MICAL2: variants seen among roughly 807,000 people sequenced by gnomAD.
MICAL2 encodes the protein [F-actin]-monooxygenase MICAL2.
In MICAL2, 77 loss-of-function variants were observed where a neutral mutation model predicts 127.3. The observed-to-expected ratio is 0.60, with a 90% CI of 0.50 to 0.73. The LOEUF (loss-of-function observed/expected upper bound fraction) is 0.73, where lower values mean the gene tolerates loss of function less well. Ranked by LOEUF, MICAL2 falls within the 30% of genes least tolerant of loss-of-function variation. MICAL2 has a pLI of 0.00. For synonymous variants in MICAL2, 570 were observed against 551.1 expected (o/e 1.03, Z -0.48); for missense variants, 1,351 against 1,434.4 (o/e 0.94, Z 0.94).
rs11403732 is a variant in MICAL2 at position 12,180,349 on chromosome 11, A to ATATTT, written c.264+17931_264+17932insATTTT. The stretch of plus-strand genomic sequence containing the variant: ...TTTATATACATGTATATATGTATAT[A>ATATTT]TTTTTTTTTTGGCAGGAAGGTTTCC... On this transcript the variant is annotated intron_variant, in intron 3 of 27. Transcript: ENST00000683283. Among the ~76,000 whole-genome samples the ATATTT allele has an allele frequency of 9.8e-3, 1,369 of 139,692 alleles. 28 individuals are homozygous for ATATTT. The highest frequency in any genetic ancestry group is 0.072 in the East Asian group (360 of 5,024). The allele number at this position is 139,692 out of a possible 152,430, so 91.6% of individuals were successfully genotyped here.
intron 1 of MICAL2, among the ~76,000 whole-genome samples, chr11:12,113,209 T>G (rs1181291734): frequency 6.6e-6 from 1 of 152,154 alleles, no homozygotes; most frequent in Non-Finnish European, 1.5e-5. Context: ...TCTAAAGAAG[T>G]GGGGTTAACT....
chr11:12,206,240 T>G (rs1280344446), intron 4 of MICAL2, among the ~76,000 whole-genome samples: 2 of 152,210 alleles, frequency 1.3e-5, no homozygotes, highest in Non-Finnish European at 2.9e-5. Flanking sequence ...GGATGCCTTG[T>G]GGGGCCCTGG....
chr11:12,242,256 A>T lies in MICAL2; in HGVS notation c.2380A>T (p.Lys794Ter), dbSNP rs745351508. The change falls in exon 19 of 28, where the codon AAG becomes TAG. Residue 794 changes from lysine (K) to a stop codon, truncating the protein, a stop_gained. Coordinates refer to ENST00000683283, the MANE Select transcript of MICAL2 (RefSeq NM_001282663.2). LOFTEE classifies it high-confidence loss of function. ...VVTGHVLREL[K>*]QVSAGSECLS... is the part of the protein sequence containing the mutation. ...GACGGGGCACGTGCTCAGAGAGCTC[A>T]AGCAAGTGTCTGCTGGCAGTGAGTG... 1 of 1,613,534 alleles carries T rather than the reference A, an allele frequency of 6.2e-7. No homozygotes were observed.
In MICAL2 at chr11:12,205,804, C is replaced by T. The variant is rs116574286; in HGVS notation, c.472+1347C>T. ...AAGTGCCCAGGAAAACACATTGCAT[C>T]CCATGCTGTACAGTGAGCAAGAAGC... On this transcript the variant is annotated intron_variant, in intron 4 of 27. Coordinates refer to ENST00000683283, the MANE Select transcript of MICAL2 (RefSeq NM_001282663.2). 6.8e-3 allele frequency among the ~76,000 whole-genome samples: 1,034 copies of T among 152,270 alleles called. 10 individuals are homozygous for T. The highest frequency in any genetic ancestry group is 0.023 in the African/African-American group (963 of 41,556).
chr11:12,144,848 T>G (rs1246675626), intron 2 of MICAL2, among the ~76,000 whole-genome samples: 1 of 152,180 alleles, frequency 6.6e-6, no homozygotes, highest in Non-Finnish European at 1.5e-5. Flanking sequence ...CAGGCATTTT[T>G]GTATTTGCCA....
intron 22 of MICAL2, 115 bp downstream of exon 22, chr11:12,249,361 G>C (rs1861227263): frequency 1.5e-6 from 1 of 662,514 alleles, no homozygotes. Flanking sequence ...ACAGTGCCTG[G>C]CACCAGGGGA....
At chr11:12,327,118 C>T in intron 31 of MICAL2, 8 of 1,479,584 alleles carry the variant, frequency 5.4e-6, no homozygotes, top group Non-Finnish European at 7.4e-6. Context: ...GAATCAGCCC[C>T]TCTTGGGACT....
At chr11:12,161,754 A>G (rs1469060649) in intron 2 of MICAL2, 1 of 203,802 alleles carries the variant, frequency 4.9e-6, no homozygotes, top group African/African-American at 2.3e-5. Flanking sequence ...TTTCCTAGTC[A>G]CTATTTGCAG....
chr11:12,279,607 G>A (rs1863751646), intron 1 of MICAL2, among the ~76,000 whole-genome samples: 1 of 152,210 alleles, frequency 6.6e-6, no homozygotes, highest in Non-Finnish European at 1.5e-5. Context: ...TCGTCTGACT[G>A]GGAAGTCCAA....
intron 15 of MICAL2, among the ~76,000 whole-genome samples, chr11:12,231,751 G>A (rs1007080814): frequency 6.6e-6 from 1 of 152,194 alleles, no homozygotes; most frequent in African/African-American, 2.4e-5. Flanking sequence ...TCATGGCAGA[G>A]GTTTGAAGAA....
intron 6 of MICAL2, among the ~76,000 whole-genome samples, chr11:12,209,941 A>T (rs985241116): frequency 3.3e-5 from 5 of 152,206 alleles, no homozygotes; most frequent in Admixed American, 3.3e-4. Flanking sequence ...ATGAACATCC[A>T]TTATTGAGCA....
chr11:12,312,319 T>G (rs10444220), intron 29 of MICAL2, among the ~76,000 whole-genome samples: 44,784 of 151,086 alleles, frequency 0.3, 7,767 homozygotes, highest in African/African-American at 0.48. Context: ...GAAATGGATC[T>G]TAGAACAACA....
chr11:12,227,105 A>C lies in MICAL2; in HGVS notation c.1969A>C (p.Thr657Pro). ...SSISNNYLNL[T>P]FPRKRTPRVD... The stretch of plus-strand genomic sequence containing the variant: ...CATTTCTAATAACTATCTCAACCTC[A>C]CATTTCCAAGGAAGAGGACTCCACG... Residue 657 changes from threonine to proline, a missense_variant, in exon 15 of 28, where the codon ACA (threonine) becomes CCA (proline). By Grantham distance (38) the Thr-to-Pro change is conservative (BLOSUM62 -1). Transcript: ENST00000683283. 6.2e-7 allele frequency: 1 copy of C among 1,613,660 alleles called. No homozygotes were observed. Among genetic ancestry groups the C allele is most frequent in the Non-Finnish European group, 8.5e-7 (1 of 1,179,718 alleles).
At chr11:12,209,460 CT>C (rs1855161607) in intron 5 of MICAL2, 36 bp from the exon 6 acceptor site, 1 of 1,525,550 alleles carries the variant, frequency 6.6e-7, no homozygotes, top group African/African-American at 1.4e-5. Context: ...CTTCCCACCT[CT>C]CTCTGCCAAC....
At chr11:12,283,899 G>A (rs543419513) in intron 2 of MICAL2, among the ~76,000 whole-genome samples, 19 of 152,244 alleles carry the variant, frequency 1.2e-4, no homozygotes, top group South Asian at 8.3e-4. Context: ...TCAGGGATTC[G>A]TGATAATCTT....
At chr11:12,158,913 G>A (rs73414218) in intron 2 of MICAL2, among the ~76,000 whole-genome samples, 7,703 of 152,282 alleles carry the variant, frequency 0.051, 275 homozygotes, top group South Asian at 0.13. Context: ...TTAATCCCAC[G>A]AGGAAAGCTA....
chr11:12,117,017 C>T (rs1159115542), intron 1 of MICAL2: 2 of 152,194 alleles, frequency 1.3e-5, no homozygotes, highest in African/African-American at 4.8e-5. Context: ...GGTAATTTCC[C>T]TGCCTTCCTC....
Position 12,220,402 on chromosome 11 carries a change from C to T in MICAL2, c.1150C>T (p.Arg384Trp), listed in dbSNP as rs200334092. The change falls in exon 9 of 28, where the codon CGG becomes TGG. Residue 384 changes from arginine to tryptophan, a missense_variant. Around this residue, in one of 2 missense-constraint regions of MICAL2, gnomAD observed 599 missense variants for 714.9 expected, o/e 0.84. Coordinates refer to ENST00000683283, the MANE Select transcript of MICAL2 (RefSeq NM_001282663.2). Reference protein sequence around the residue: ...MYASENAALVRERQAHQLLVA... With the variant: ...MYASENAALVWERQAHQLLVA... ...TGCCTCAGAGAACGCGGCCCTGGTG[C>T]GGGAGCGGCAGGCGCACCAGCTGCT... 1.6e-5 allele frequency: 26 copies of T among 1,613,658 alleles called. No individual in the cohort carries two copies. In the Admixed American group the frequency reaches 2.2e-4, roughly 13 times the overall value.
chr11:12,258,057 G>A (rs1313195076), intron 24 of MICAL2, among the ~76,000 whole-genome samples: 2 of 152,210 alleles, frequency 1.3e-5, no homozygotes, highest in Non-Finnish European at 2.9e-5. Flanking sequence ...TTGATTTGGG[G>A]ATTTTTTTTA....
Sources: allele counts gnomAD v4.1 joint callset (sites outside exome capture counted in the v4.1 genomes callset), GRCh38; gene constraint gnomAD v4.1.1; regional missense constraint gnomAD v4.1.1; transcripts MANE v1.5; gene names NCBI Gene and HGNC (gene_info 2026-07-23, HGNC 2026-07-21).